The following PBDC1 variants were observed in gnomAD, a reference collection of about 807,000 sequenced individuals.
PBDC1 encodes polysaccharide biosynthesis domain containing 1.
PBDC1 carries 3 observed loss-of-function variants against 12.0 expected under a neutral mutation model. The ratio of observed to expected loss-of-function variants is 0.25; its 90% CI spans 0.11 to 0.64. The LOEUF (loss-of-function observed/expected upper bound fraction) is 0.64. PBDC1 is among the 30% of genes least tolerant of loss of function. PBDC1 has a pLI of 0.84. For missense variants in PBDC1, 162 were observed against 168.1 expected (o/e 0.96, Z 0.20); for synonymous variants, 64 against 56.4 (o/e 1.13, Z -0.60).
At chrX:76,176,179 G>T (rs1376680100) in intron 4 of PBDC1, among the ~76,000 whole-genome samples, 5 of 106,685 alleles carry the variant, frequency 4.7e-5, no homozygotes, top group Non-Finnish European at 9.6e-5. Context: ...TTTGATACAG[G>T]GTCTCACTCT....
Position 76,173,175 on chromosome X carries a change from C to T in PBDC1, c.30+7C>T. The T allele has an allele frequency of 8.5e-7, 1 of 1,172,460 alleles. No individual in the cohort carries two copies. Among genetic ancestry groups the T allele is most frequent in the Non-Finnish European group, 1.1e-6 (1 of 874,847 alleles). On this transcript the variant is annotated splice_region_variant and intron_variant, in intron 1 of 5. Transcript: ENST00000373358. The stretch of plus-strand genomic sequence containing the variant: ...CAGTGGAACTGATGAGCCGGTGAGA[C>T]GCTGTTCTGGGGTCGGGTGAGTGGG...
chrX:76,175,626 T>C lies in PBDC1; in HGVS notation c.297+13T>C. 8.7e-7 allele frequency: 1 copy of C among 1,151,952 alleles called. No individual in the cohort carries two copies. The highest frequency in any genetic ancestry group is 1.8e-5 in the African/African-American group (1 of 55,872). 94.9% of individuals were successfully genotyped at this position (1,151,952 alleles called of 1,213,427 possible). ...ATCAGCCAAAGAGGTAAAAATTCTC[T>C]TTCTTAAATATTACTTAGCATTTAA... On this transcript the variant is annotated intron_variant, in intron 4 of 5. Coordinates refer to ENST00000373358, the MANE Select transcript of PBDC1 (RefSeq NM_016500.5).
intron 4 of PBDC1, among the ~76,000 whole-genome samples, chrX:76,176,180 G>GTC (rs1196273393): frequency 9.3e-6 from 1 of 107,447 alleles, no homozygotes; most frequent in African/African-American, 3.4e-5. Context: ...TTGATACAGG[G>GTC]TCTCACTCTG....
chrX:76,177,750 G>A lies in PBDC1; in HGVS notation c.544G>A (p.Gly182Arg). 1 of 1,208,827 alleles carries A rather than the reference G, an allele frequency of 8.3e-7. No individual in the cohort carries two copies. The highest frequency in any genetic ancestry group is 1.1e-6 in the Non-Finnish European group (1 of 894,390). Residue 182 changes from glycine (G) to arginine (R), a missense_variant, in exon 6 of 6, where the codon GGA becomes AGA. Transcript: ENST00000373358. ...TGGAGGAGAAAAAAGAGCTGACAGTGGAGAAGAAGAGAACACCAAGAATGG... is the reference window on the plus strand; with the variant it reads ...TGGAGGAGAAAAAAGAGCTGACAGTAGAGAAGAAGAGAACACCAAGAATGG... ...NNGGEKRADS[G>R]EEENTKNGGE...
Position 76,175,583 on chromosome X carries a change from A to G in PBDC1, c.267A>G (p.Pro89=). The change falls in exon 4 of 6, where the codon CCA becomes CCG. Residue 89 remains proline (P), a synonymous_variant. Coordinates refer to ENST00000373358, the MANE Select transcript of PBDC1 (RefSeq NM_016500.5). ...CCCTTAGGATAGATGTGTTGGACCC[A>G]GAAGAACTCAAGTCAGAATCAGCCA... ...FETLRIDVLD[P]EELKSESAKE... 8.3e-7 allele frequency: 1 copy of G among 1,205,005 alleles called. No homozygotes were observed. Among genetic ancestry groups the G allele is most frequent in the Non-Finnish European group, 1.1e-6 (1 of 892,186 alleles).
intron 1 of PBDC1, 117 bp from the exon 2 acceptor site, chrX:76,173,468 C>T (rs189320651): frequency 1.9e-6 from 1 of 518,112 alleles, no homozygotes; most frequent in Non-Finnish European, 3.1e-6. Flanking sequence ...GGCGATCCGC[C>T]CGCCTCGGCC....
At chrX:76,174,866 C>T in intron 2 of PBDC1, 24 bp from the exon 3 acceptor site, 1 of 1,187,967 alleles carries the variant, frequency 8.4e-7, no homozygotes, top group South Asian at 1.8e-5. Flanking sequence ...GATTTATGAC[C>T]TGGCATTCTT....
intron 1 of PBDC1, 53 bp downstream of exon 1, chrX:76,173,221 C>CTT: frequency 7.3e-6 from 7 of 961,757 alleles, no homozygotes; most frequent in Non-Finnish European, 9.6e-6. Context: ...CAGGTGGAGC[C>CTT]TTTTTTTTTT....
At chrX:76,174,751 C>A in intron 2 of PBDC1, 139 bp from the exon 3 acceptor site, 2 of 495,407 alleles carry the variant, frequency 4.0e-6, no homozygotes, top group South Asian at 6.5e-5. Context: ...ATTTATTACT[C>A]CAGTTTTTAT....
rs1415300980 is a variant in PBDC1, at chrX:76,173,659, G to T, written c.96+9G>T. The T allele has an allele frequency of 8.7e-7, 1 of 1,150,915 alleles. No individual in the cohort carries two copies. Among genetic ancestry groups the T allele is most frequent in the African/African-American group, 1.8e-5 (1 of 56,243 alleles). 94.8% of individuals were successfully genotyped at this position (1,150,915 alleles called of 1,213,427 possible). ...AGTCGTATGGCAACGATGTGAGTAT[G>T]ACTCACCCACAGCTCCCACCCACTC... is the stretch of plus-strand genomic sequence containing the variant. On this transcript the variant is annotated intron_variant, in intron 2 of 5. Transcript: ENST00000373358.
intron 3 of PBDC1, 94 bp from the exon 4 acceptor site, chrX:76,175,379 C>G (rs1219016240): frequency 1.6e-5 from 14 of 849,130 alleles, no homozygotes; most frequent in Non-Finnish European, 2.2e-5. Flanking sequence ...ATCTTCTGCC[C>G]TGAGAACCAT....
At position 76,173,584 on chromosome X, in the gene PBDC1, G is replaced by A; in HGVS notation, c.31-1G>A. The A allele has an allele frequency of 8.4e-7, 1 of 1,191,974 alleles. No individual in the cohort carries two copies. The highest frequency in any genetic ancestry group is 1.1e-6 in the Non-Finnish European group (1 of 885,493). On this transcript the variant is annotated splice_acceptor_variant, in intron 1 of 5. Coordinates refer to ENST00000373358, the MANE Select transcript of PBDC1 (RefSeq NM_016500.5). LOFTEE classifies it high-confidence loss of function. Reference sequence around the variant, plus strand: ...CTTGAACTCTTTTTCCTCCTTTCTAGGTTTCCGGGGAGTTGGTGTCTGTGG... The same window carrying A: ...CTTGAACTCTTTTTCCTCCTTTCTAAGTTTCCGGGGAGTTGGTGTCTGTGG...
intron 5 of PBDC1, 68 bp downstream of exon 5, chrX:76,177,060 C>G (rs1185268655): frequency 2.9e-6 from 2 of 687,420 alleles, no homozygotes; most frequent in Non-Finnish European, 4.6e-6. Context: ...ACTGATGAAT[C>G]AGTGATGTGT....
At chrX:76,176,669 G>A (rs1924800977) in intron 4 of PBDC1, among the ~76,000 whole-genome samples, 1 of 111,702 alleles carries the variant, frequency 9.0e-6, no homozygotes, top group Non-Finnish European at 1.9e-5. Flanking sequence ...ATTTTTCAGA[G>A]TAAAATATTG....
chrX:76,173,924 T>C (rs1556796690), intron 2 of PBDC1, among the ~76,000 whole-genome samples: 1 of 112,181 alleles, frequency 8.9e-6, no homozygotes, highest in Non-Finnish European at 1.9e-5. Context: ...TCATACCACC[T>C]AAATCAGAAT....
At position 76,178,280 on chromosome X, in the gene PBDC1, A is replaced by G. The variant is rs1425103950; in HGVS notation, c.*372A>G. ...ATATGTAATCTCATCACCATGTCTTATATAAGATAATTTACTCCTGTTTCT... is the reference window on the plus strand; with the variant it reads ...ATATGTAATCTCATCACCATGTCTTGTATAAGATAATTTACTCCTGTTTCT... On this transcript the variant is annotated 3_prime_UTR_variant, in exon 6 of 6. Coordinates refer to ENST00000373358, the MANE Select transcript of PBDC1 (RefSeq NM_016500.5). 1 of 234,856 alleles carries G rather than the reference A, an allele frequency of 4.3e-6. No individual in the cohort carries two copies. The highest frequency in any genetic ancestry group is 6.2e-5 in the Admixed American group (1 of 16,227). The allele number at this position is 234,856 out of a possible 1,213,427, so 19.4% of individuals were successfully genotyped here.
chrX:76,178,033 A>G lies in PBDC1; in HGVS notation c.*125A>G, dbSNP rs1556797176. 2 of 1,129,492 alleles carry G rather than the reference A, an allele frequency of 1.8e-6. No individual in the cohort carries two copies. Among genetic ancestry groups the G allele is most frequent in the Non-Finnish European group, 2.4e-6 (2 of 848,902 alleles). The allele number at this position is 1,129,492 out of a possible 1,213,427, so 93.1% of individuals were successfully genotyped here. ...GTACAATTGAAGGATACGCAGAAGG[A>G]CATCTTTCTAGTCTAACAGTCAGGA... is the stretch of plus-strand genomic sequence containing the variant. On this transcript the variant is annotated 3_prime_UTR_variant, in exon 6 of 6. Transcript: ENST00000373358.
chrX:76,176,590 C>A (rs1556796973), intron 4 of PBDC1, among the ~76,000 whole-genome samples: 1 of 111,612 alleles, frequency 9.0e-6, no homozygotes, highest in South Asian at 3.7e-4. Context: ...GCTGAACTGA[C>A]CAATAACTTC....
At position 76,174,880 on chromosome X, in the gene PBDC1, T is replaced by A. The variant is rs1556796780; in HGVS notation, c.97-10T>A. 8.3e-7 allele frequency: 1 copy of A among 1,203,992 alleles called. No individual in the cohort carries two copies. Among genetic ancestry groups the A allele is most frequent in the South Asian group, 1.8e-5 (1 of 56,745 alleles). On this transcript the variant is annotated splice_polypyrimidine_tract_variant and intron_variant, in intron 2 of 5. Coordinates refer to ENST00000373358, the MANE Select transcript of PBDC1 (RefSeq NM_016500.5). ...AGATTTATGACCTGGCATTCTTCAC[T>A]CCTTTGCAGCCTGACATTGAGATGG...
Sources: allele counts gnomAD v4.1 joint callset (sites outside exome capture counted in the v4.1 genomes callset), GRCh38; gene constraint gnomAD v4.1.1; transcripts MANE v1.5; gene names NCBI Gene and HGNC (gene_info 2026-07-23, HGNC 2026-07-21).